CLMP: variants seen among roughly 807,000 people sequenced by gnomAD.
CLMP encodes CXADR like cell adhesion molecule, also known as CXADR-like membrane protein.
In CLMP, 27 loss-of-function variants were observed where a neutral mutation model predicts 45.2. That is an observed-to-expected ratio of 0.60 (90% CI 0.44 to 0.82). CLMP has a LOEUF of 0.82. Ranked by LOEUF, CLMP falls within the 40% of genes least tolerant of loss-of-function variation. The pLI is 0.00. For synonymous variants in CLMP, 167 were observed against 171.4 expected, an observed-to-expected ratio of 0.97 and a Z score of 0.20; for missense variants, 403 against 448.4, an observed-to-expected ratio of 0.90 and a Z score of 0.91.
intron 1 of CLMP, among the ~76,000 whole-genome samples, chr11:123,124,102 A>G (rs1376040183): frequency 1.3e-5 from 2 of 152,242 alleles, no homozygotes; most frequent in African/African-American, 4.8e-5. Flanking sequence ...ATTGGCCTAC[A>G]GAGAACAGCC....
At chr11:123,143,176 G>A (rs1861189127) in intron 1 of CLMP, among the ~76,000 whole-genome samples, 1 of 152,192 alleles carries the variant, frequency 6.6e-6, no homozygotes, top group African/African-American at 2.4e-5. Flanking sequence ...AGCTGCCTGA[G>A]AGCAGGAGCC....
intron 5 of CLMP, among the ~76,000 whole-genome samples, chr11:123,075,261 T>C (rs1490978205): frequency 6.6e-6 from 1 of 152,052 alleles, no homozygotes; most frequent in East Asian, 1.9e-4. Context: ...CCTCCAGGTC[T>C]TTATATCTAT....
At chr11:123,179,721 A>G (rs1861744743) in intron 1 of CLMP, among the ~76,000 whole-genome samples, 1 of 152,224 alleles carries the variant, frequency 6.6e-6, no homozygotes, top group African/African-American at 2.4e-5. Flanking sequence ...TACAAGATGT[A>G]AGTATGCCTT....
intron 5 of CLMP, among the ~76,000 whole-genome samples, chr11:123,080,491 C>T (rs1161826466): frequency 6.6e-6 from 1 of 152,040 alleles, no homozygotes; most frequent in African/African-American, 2.4e-5. Context: ...CCACGCCCAG[C>T]TAATTTTCTA....
intron 2 of CLMP, among the ~76,000 whole-genome samples, chr11:123,097,208 G>A (rs570778249): frequency 1.3e-5 from 2 of 151,624 alleles, no homozygotes; most frequent in Admixed American, 1.3e-4. Context: ...AGGCTCAAGT[G>A]CAGTGGCTAT....
chr11:123,106,848 G>A (rs1348004611), intron 1 of CLMP, among the ~76,000 whole-genome samples: 3 of 151,656 alleles, frequency 2.0e-5, no homozygotes, highest in Non-Finnish European at 2.9e-5. Flanking sequence ...GTGAAACCCC[G>A]TCTCTACTAA....
intron 1 of CLMP, among the ~76,000 whole-genome samples, chr11:123,140,102 G>T (rs184851342): frequency 1.2e-3 from 188 of 152,272 alleles, no homozygotes; most frequent in African/African-American, 4.2e-3. Flanking sequence ...GGGCCAGTAC[G>T]CCTCCTAGTT....
At chr11:123,089,082 G>C (rs1361897050) in intron 2 of CLMP, among the ~76,000 whole-genome samples, 2 of 152,166 alleles carry the variant, frequency 1.3e-5, no homozygotes, top group African/African-American at 4.8e-5. Context: ...GTTTTCAACA[G>C]ACTCACATTA....
chr11:123,103,694 CT>C (rs369382777), intron 1 of CLMP, among the ~76,000 whole-genome samples: 22 of 151,232 alleles, frequency 1.5e-4, no homozygotes, highest in East Asian at 5.8e-4. Context: ...CCTTCTGTCC[CT>C]TTTTTTTTCT....
intron 1 of CLMP, among the ~76,000 whole-genome samples, chr11:123,157,630 A>G (rs1369935170): frequency 6.6e-6 from 1 of 151,726 alleles, no homozygotes; most frequent in African/African-American, 2.4e-5. Context: ...GAGGCAGGAG[A>G]ATCACTTGAA....
intron 1 of CLMP, among the ~76,000 whole-genome samples, chr11:123,120,308 T>C (rs941788197): frequency 6.6e-6 from 1 of 152,134 alleles, no homozygotes; most frequent in African/African-American, 2.4e-5. Context: ...CATGTCATTT[T>C]CCCTTCTTTT....
chr11:123,136,268 C>A (rs1207905293), intron 1 of CLMP: 7 of 652,386 alleles, frequency 1.1e-5, no homozygotes, highest in Admixed American at 9.3e-5. Flanking sequence ...AGATCCCGAA[C>A]TGTGGCCAAA....
Position 123,073,361 on chromosome 11 carries a change from C to CTA in CLMP, c.*111_*112dup. 8.5e-7 allele frequency: 1 copy of CTA among 1,179,338 alleles called. No individual in the cohort carries two copies. The highest frequency in any genetic ancestry group is 1.2e-6 in the Non-Finnish European group (1 of 830,470). The allele number at this position is 1,179,338 out of a possible 1,614,324, so 73.1% of individuals were successfully genotyped here. ...AATCTGTTCCGTGCAATGCTCACTG[C>CTA]TACTTAGATGACCTCTCATCTGGTT... On this transcript the variant is annotated 3_prime_UTR_variant, in exon 7 of 7. Coordinates refer to ENST00000448775, the MANE Select transcript of CLMP (RefSeq NM_024769.5).
intron 1 of CLMP, among the ~76,000 whole-genome samples, chr11:123,193,282 G>A (rs922889810): frequency 6.6e-6 from 1 of 152,240 alleles, no homozygotes; most frequent in Admixed American, 6.5e-5. Flanking sequence ...TAGCCAACAA[G>A]GATGGCTGGG....
intron 1 of CLMP, among the ~76,000 whole-genome samples, chr11:123,167,866 G>A (rs559613309): frequency 6.6e-6 from 1 of 152,320 alleles, no homozygotes; most frequent in South Asian, 2.1e-4. Context: ...TCCCTGTCCA[G>A]AAGGAAGCTT....
At chr11:123,176,119 A>G (rs1419153548) in intron 1 of CLMP, among the ~76,000 whole-genome samples, 3 of 152,358 alleles carry the variant, frequency 2.0e-5, no homozygotes, top group Middle Eastern at 3.4e-3. Context: ...AGTGTTAGCT[A>G]TTGGAAACAG....
At chr11:123,184,348 G>A (rs1000070081) in intron 1 of CLMP, among the ~76,000 whole-genome samples, 1 of 152,112 alleles carries the variant, frequency 6.6e-6, no homozygotes, top group Admixed American at 6.5e-5. Flanking sequence ...CTGCCGCCTC[G>A]GCCTCCCAAA....
At chr11:123,127,882 C>CA (rs1275718651) in intron 1 of CLMP, among the ~76,000 whole-genome samples, 1 of 151,768 alleles carries the variant, frequency 6.6e-6, no homozygotes, top group Non-Finnish European at 1.5e-5. Context: ...ACTGAAAATA[C>CA]AAAAAAATTA....
intron 2 of CLMP, among the ~76,000 whole-genome samples, chr11:123,085,816 G>C (rs1288523019): frequency 7.0e-6 from 1 of 142,262 alleles, no homozygotes; most frequent in Non-Finnish European, 1.5e-5. Flanking sequence ...CACTCTTGTC[G>C]CCCGGTCTGG....
Sources: gnomAD v4.1 joint callset for allele counts (sites outside exome capture counted in the v4.1 genomes callset) on GRCh38, gnomAD v4.1.1 for gene constraint, MANE v1.5 for transcripts, NCBI Gene and HGNC (gene_info 2026-07-23, HGNC 2026-07-21) for gene names.